Variants in NTRK2 observed in about 807,000 individuals in gnomAD.
The protein encoded by NTRK2 is neurotrophic receptor tyrosine kinase 2, also known as BDNF/NT-3 growth factors receptor.
A neutral mutation model predicts 94.5 loss-of-function variants in NTRK2; 13 were observed. The ratio of observed to expected loss-of-function variants is 0.14; its 90% CI spans 0.09 to 0.22. The LOEUF (loss-of-function observed/expected upper bound fraction) is 0.22, where lower values mean the gene tolerates loss of function less well. Ranked by LOEUF, NTRK2 falls within the 10% of genes least tolerant of loss-of-function variation. NTRK2 has a pLI of 1.00. For synonymous variants in NTRK2, 372 were observed against 407.4 expected (o/e 0.91, Z 1.05); for missense variants, 639 against 1,071.2 (o/e 0.60, Z 5.63).
chr9:84,719,614 C>G (rs1398656745), intron 6 of NTRK2, among the ~76,000 whole-genome samples: 1 of 152,076 alleles, frequency 6.6e-6, no homozygotes, highest in Non-Finnish European at 1.5e-5. Flanking sequence ...CTTTAGGCTT[C>G]ATCAGTGGGG....
intron 12 of NTRK2, chr9:84,813,457 T>G (rs2072035685): frequency 9.4e-7 from 1 of 1,064,898 alleles, no homozygotes; most frequent in South Asian, 4.5e-5. Context: ...TGATCATTGT[T>G]CTCTCACGGT....
Position 84,787,069 on chromosome 9 carries a change from G to A in NTRK2, c.1396+34984G>A, listed in dbSNP as rs117832034. 2.6e-3 allele frequency among the ~76,000 whole-genome samples: 393 copies of A among 152,076 alleles called. 16 individuals carry two copies. In the East Asian group the frequency reaches 0.062, roughly 24 times the overall value. On this transcript the variant is annotated intron_variant, in intron 12 of 18. Coordinates refer to ENST00000277120, the MANE Select transcript of NTRK2 (RefSeq NM_006180.6). ...TCCCAGCACTTTGGGAGGTGGAGGC[G>A]GATGGATCACCAGAGGTCAGGAGTT...
chr9:84,893,574 G>A (rs1387611668), intron 14 of NTRK2, among the ~76,000 whole-genome samples: 8 of 152,118 alleles, frequency 5.3e-5, no homozygotes, highest in African/African-American at 9.7e-5. Context: ...AGGAAGAGCC[G>A]GCACACCCAT....
At chr9:84,736,677 A>T (rs1330934437) in intron 9 of NTRK2, among the ~76,000 whole-genome samples, 2 of 152,196 alleles carry the variant, frequency 1.3e-5, no homozygotes, top group Admixed American at 1.3e-4. Context: ...TAAGATTTAT[A>T]CTTAAATAGC....
intron 14 of NTRK2, among the ~76,000 whole-genome samples, chr9:84,918,279 A>G (rs868029601): frequency 6.6e-6 from 1 of 152,184 alleles, no homozygotes; most frequent in Admixed American, 6.5e-5. Context: ...ACACATTGTC[A>G]TATGCATTGA....
intron 12 of NTRK2, among the ~76,000 whole-genome samples, chr9:84,859,935 T>C (rs996230515): frequency 6.6e-6 from 1 of 152,178 alleles, no homozygotes; most frequent in Admixed American, 6.5e-5. Flanking sequence ...GAGGAAAATA[T>C]AGATCAGAAG....
chr9:84,699,034 T>TG (rs1364335996), intron 2 of NTRK2, among the ~76,000 whole-genome samples: 2 of 122,618 alleles, frequency 1.6e-5, no homozygotes, highest in East Asian at 5.1e-4. Context: ...GAGCCCTTGC[T>TG]GAAAATTTTT....
chr9:84,903,133 A>C (rs186176765), intron 14 of NTRK2, among the ~76,000 whole-genome samples: 1 of 152,322 alleles, frequency 6.6e-6, no homozygotes, highest in African/African-American at 2.4e-5. Flanking sequence ...TAAACTTAAC[A>C]TTTTATTTTC....
chr9:84,717,506 A>G (rs1020263217), intron 6 of NTRK2, among the ~76,000 whole-genome samples: 1 of 152,232 alleles, frequency 6.6e-6, no homozygotes, highest in African/African-American at 2.4e-5. Context: ...GGCAGCCAGA[A>G]TGCTCTGGTT....
chr9:84,934,472 T>C (rs1409971145), intron 15 of NTRK2, among the ~76,000 whole-genome samples, 180 bp downstream of exon 15: 1 of 152,220 alleles, frequency 6.6e-6, no homozygotes, highest in Non-Finnish European at 1.5e-5. Flanking sequence ...CACATCCAAC[T>C]GTCAGAGGTT....
chr9:84,780,465 G>T (rs914568982), intron 12 of NTRK2, among the ~76,000 whole-genome samples: 4 of 152,128 alleles, frequency 2.6e-5, no homozygotes, highest in Non-Finnish European at 4.4e-5. Flanking sequence ...CACATATTTT[G>T]TAATAGGTTG....
intron 11 of NTRK2, among the ~76,000 whole-genome samples, chr9:84,751,429 A>C (rs1300010842): frequency 2.0e-5 from 3 of 152,126 alleles, no homozygotes. Context: ...AAAAACTTAA[A>C]AATGAGCCAG....
At chr9:84,832,847 G>A (rs1298792668) in intron 12 of NTRK2, among the ~76,000 whole-genome samples, 3 of 152,110 alleles carry the variant, frequency 2.0e-5, no homozygotes, top group Admixed American at 6.5e-5. Flanking sequence ...GGAGGAGGAC[G>A]ATGCGGGAGA....
intron 14 of NTRK2, among the ~76,000 whole-genome samples, chr9:84,889,342 C>T (rs534433836): frequency 3.9e-5 from 6 of 152,132 alleles, no homozygotes; most frequent in Admixed American, 6.5e-5. Flanking sequence ...TTTAAAAAAT[C>T]TTTCTGTAAT....
Position 84,924,229 on chromosome 9 carries a change from T to TAGAAAGAAAAGAAAGAAAGAA in NTRK2, c.1634-9924_1634-9923insAGAAAGAAAGAAAGAAAGAAA, listed in dbSNP as rs1554769295. Reference sequence around the variant, plus strand: ...GAGACCCTGTCTCAAAGAAAGAAAGTAGAAAGAAAGAAAGAAAGAAAGAAA... The same window carrying TAGAAAGAAAAGAAAGAAAGAA: ...GAGACCCTGTCTCAAAGAAAGAAAGTAGAAAGAAAAGAAAGAAAGAAAGAAAGAAAGAAAGAAAGAAAGAAA... On this transcript the variant is annotated intron_variant, in intron 14 of 18. Transcript: ENST00000277120. Among the ~76,000 whole-genome samples, 3 of 115,684 alleles carry TAGAAAGAAAAGAAAGAAAGAA rather than the reference T, an allele frequency of 2.6e-5. No individual in the cohort carries two copies. In the East Asian group the frequency reaches 7.6e-4, roughly 29 times the overall value. 75.9% of individuals were successfully genotyped at this position (115,684 alleles called of 152,430 possible).
chr9:84,975,089 C>T (rs1402306794), intron 17 of NTRK2, among the ~76,000 whole-genome samples: 1 of 152,070 alleles, frequency 6.6e-6, no homozygotes, highest in Non-Finnish European at 1.5e-5. Flanking sequence ...CCCGGGGGAG[C>T]ACACACAAGC....
chr9:84,742,004 A>G lies in NTRK2; in HGVS notation c.1195+77A>G, dbSNP rs1048047020. On this transcript the variant is annotated intron_variant, in intron 10 of 18. Coordinates refer to ENST00000277120, the MANE Select transcript of NTRK2 (RefSeq NM_006180.6). Reference sequence around the variant, plus strand: ...CATGAAGTAAATCAACTGAAAGAAGACTCTTCTAAGCTCAGTTAAATTTAC... The same window carrying G: ...CATGAAGTAAATCAACTGAAAGAAGGCTCTTCTAAGCTCAGTTAAATTTAC... The G allele has an allele frequency of 1.8e-5, 23 of 1,273,464 alleles. No homozygotes were observed. In the Middle Eastern group the frequency reaches 6.9e-4, roughly 38 times the overall value. 78.9% of individuals were successfully genotyped at this position (1,273,464 alleles called of 1,614,324 possible).
At chr9:84,707,663 A>G (rs968314825) in intron 4 of NTRK2, among the ~76,000 whole-genome samples, 181 bp from the exon 5 acceptor site, 1 of 152,208 alleles carries the variant, frequency 6.6e-6, no homozygotes, top group African/African-American at 2.4e-5. Flanking sequence ...AAAATTATAG[A>G]CAAGGTTAGA....
intron 4 of NTRK2, among the ~76,000 whole-genome samples, chr9:84,707,201 C>A (rs2061159047): frequency 6.6e-6 from 1 of 151,968 alleles, no homozygotes; most frequent in African/African-American, 2.4e-5. Context: ...TTTTTATTGT[C>A]TGGTTGGTCT....
Sources: gnomAD v4.1 joint callset for allele counts (sites outside exome capture counted in the v4.1 genomes callset) on GRCh38, gnomAD v4.1.1 for gene constraint, MANE v1.5 for transcripts, NCBI Gene and HGNC (gene_info 2026-07-23, HGNC 2026-07-21) for gene names.